DCLK1: variants seen among roughly 807,000 people sequenced by gnomAD.
The protein encoded by DCLK1 is doublecortin like kinase 1, also known as serine/threonine-protein kinase DCLK1.
Under a neutral mutation model 86.2 loss-of-function variants are expected in DCLK1, and 16 were observed. That is an observed-to-expected ratio of 0.19 (90% CI 0.13 to 0.28). The LOEUF is 0.28. DCLK1 is among the 10% of genes least tolerant of loss of function. The pLI is 1.00. For synonymous variants in DCLK1, 369 were observed against 370.5 expected (o/e 1.00, Z 0.05); for missense variants, 590 against 940.2 (o/e 0.63, Z 4.87).
At chr13:36,115,328 T>TAAAAAAAC (rs10627322) in intron 2 of DCLK1, among the ~76,000 whole-genome samples, 51,697 of 151,662 alleles carry the variant, frequency 0.34, 9,559 homozygotes, top group East Asian at 0.74. Context: ...GAATTTATCT[T>TAAAAAAAC]AAACAAACAA....
At chr13:35,877,370 G>A (rs1422602536) in intron 4 of DCLK1, among the ~76,000 whole-genome samples, 1 of 152,190 alleles carries the variant, frequency 6.6e-6, no homozygotes. Context: ...AGAAGGTGCT[G>A]AAGAATAGAA....
intron 3 of DCLK1, among the ~76,000 whole-genome samples, chr13:36,011,676 T>C (rs1457263768): frequency 3.3e-5 from 5 of 152,222 alleles, no homozygotes; most frequent in Admixed American, 2.6e-4. Flanking sequence ...ATAGGTATGG[T>C]GTGGTGCTGA....
intron 4 of DCLK1, among the ~76,000 whole-genome samples, chr13:35,923,671 C>A (rs1171057): frequency 0.81 from 123,638 of 152,002 alleles, 50,690 homozygotes; most frequent in Middle Eastern, 0.89. Context: ...TTCAGAATAC[C>A]ACTCAGGGAA....
intron 4 of DCLK1, among the ~76,000 whole-genome samples, chr13:35,918,221 T>A (rs903183914): frequency 1.3e-5 from 2 of 152,236 alleles, no homozygotes; most frequent in African/African-American, 4.8e-5. Context: ...ATAAATGTAC[T>A]CTTCCCACCA....
intron 3 of DCLK1, among the ~76,000 whole-genome samples, chr13:35,948,592 G>A (rs1052234345): frequency 2.6e-5 from 4 of 152,156 alleles, no homozygotes; most frequent in Admixed American, 6.5e-5. Flanking sequence ...TTGAGAGAAC[G>A]CAGCATTATT....
intron 16 of DCLK1, among the ~76,000 whole-genome samples, chr13:35,787,281 A>AT (rs10718386): frequency 0.018 from 2,682 of 148,604 alleles, 70 homozygotes; most frequent in African/African-American, 0.058. Flanking sequence ...AACCAGTGGA[A>AT]TTTTTTTTTT....
chr13:35,932,267 T>A (rs1186195603), intron 4 of DCLK1, among the ~76,000 whole-genome samples: 1 of 152,206 alleles, frequency 6.6e-6, no homozygotes, highest in Admixed American at 6.5e-5. Context: ...ACTTTCATCA[T>A]TGGCTCCTCC....
At chr13:36,043,213 G>GA (rs1882754961) in intron 3 of DCLK1, among the ~76,000 whole-genome samples, 2 of 151,858 alleles carry the variant, frequency 1.3e-5, no homozygotes. Context: ...AATTGACCAT[G>GA]AAAAAATGTT....
At chr13:35,848,244 C>T in intron 6 of DCLK1, 1 of 984,892 alleles carries the variant, frequency 1.0e-6, no homozygotes, top group Non-Finnish European at 1.2e-6. Context: ...CTATAAGTAA[C>T]TCAATCATAA....
intron 3 of DCLK1, among the ~76,000 whole-genome samples, chr13:36,002,415 C>A (rs769154382): frequency 1.3e-5 from 2 of 151,976 alleles, no homozygotes; most frequent in African/African-American, 4.8e-5. Context: ...CTAAAATAAC[C>A]CTTACAGCTA....
At chr13:35,916,463 C>G (rs1436057247) in intron 4 of DCLK1, among the ~76,000 whole-genome samples, 1 of 152,138 alleles carries the variant, frequency 6.6e-6, no homozygotes, top group Non-Finnish European at 1.5e-5. Context: ...CCTTGGTTTC[C>G]TTCCCCCATG....
chr13:35,940,185 C>T (rs1877002506), intron 4 of DCLK1, among the ~76,000 whole-genome samples: 1 of 145,756 alleles, frequency 6.9e-6, no homozygotes, highest in South Asian at 2.1e-4. Context: ...CACGCCACTG[C>T]ACTCCAGCCT....
At chr13:36,008,220 TATTATTA>T (rs1294751411) in intron 3 of DCLK1, among the ~76,000 whole-genome samples, 1 of 35,184 alleles carries the variant, frequency 2.8e-5, no homozygotes, top group African/African-American at 5.7e-5. Context: ...TTATTATTAT[TATTATTA>T]TTTTTTTAAT....
intron 8 of DCLK1, among the ~76,000 whole-genome samples, chr13:35,830,073 C>T (rs1230326233): frequency 6.6e-6 from 1 of 152,134 alleles, no homozygotes; most frequent in Non-Finnish European, 1.5e-5. Context: ...GGAGTGTAAA[C>T]CAAATATTTA....
chr13:35,845,622 GC>G (rs1870121399), intron 6 of DCLK1, among the ~76,000 whole-genome samples: 2 of 152,074 alleles, frequency 1.3e-5, no homozygotes, highest in Non-Finnish European at 2.9e-5. Context: ...CTCCTTTAAG[GC>G]AACCCTGAAA....
chr13:36,023,581 A>T (rs1202785270), intron 3 of DCLK1, among the ~76,000 whole-genome samples: 1 of 152,202 alleles, frequency 6.6e-6, no homozygotes, highest in African/African-American at 2.4e-5. Flanking sequence ...TATCCAAAAC[A>T]TCCTCCAAGT....
chr13:36,036,551 A>C (rs909168885), intron 3 of DCLK1, among the ~76,000 whole-genome samples: 1 of 152,188 alleles, frequency 6.6e-6, no homozygotes, highest in African/African-American at 2.4e-5. Context: ...ACGGATTGTA[A>C]TCACAATGAC....
chr13:35,893,225 G>C (rs1447689804), intron 4 of DCLK1, among the ~76,000 whole-genome samples: 2 of 152,174 alleles, frequency 1.3e-5, no homozygotes, highest in East Asian at 3.8e-4. Flanking sequence ...GGGGCAAGCA[G>C]CTTTCCCAGA....
chr13:35,893,558 G>A (rs551134835), intron 4 of DCLK1, among the ~76,000 whole-genome samples: 1 of 152,274 alleles, frequency 6.6e-6, no homozygotes, highest in South Asian at 2.1e-4. Context: ...GAAAGATTCT[G>A]CACCTGACCT....
Sources: allele counts gnomAD v4.1 joint callset (sites outside exome capture counted in the v4.1 genomes callset), GRCh38; gene constraint gnomAD v4.1.1; transcripts MANE v1.5; gene names NCBI Gene and HGNC (gene_info 2026-07-23, HGNC 2026-07-21).